Variants in SCN8A observed in about 807,000 individuals in gnomAD.
SCN8A encodes sodium channel protein type 8 subunit alpha.
In SCN8A, 30 loss-of-function variants were observed where a neutral mutation model predicts 184.1. The ratio of observed to expected loss-of-function variants is 0.16; its 90% CI spans 0.12 to 0.22. The LOEUF (loss-of-function observed/expected upper bound fraction) is 0.22. SCN8A is among the 10% of genes least tolerant of loss of function. The pLI is 1.00. For synonymous variants in SCN8A, 852 were observed against 907.0 expected (o/e 0.94, Z 1.09); for missense variants, 1,057 against 2,498.9 (o/e 0.42, Z 12.30).
In SCN8A at chr12:51,769,313, C is replaced by T. The variant is rs770263378; in HGVS notation, c.3350C>T (p.Ser1117Leu). 1.1e-5 allele frequency: 18 copies of T among 1,594,028 alleles called. No individual in the cohort carries two copies. The highest frequency in any genetic ancestry group is 5.7e-5 in the South Asian group (5 of 88,376). Residue 1117 changes from serine (S) to leucine (L), a missense_variant, in exon 17 of 27, where the codon TCG becomes TTG. Ser to Leu is a moderately radical substitution (Grantham distance 145). Transcript: ENST00000627620. ...AACACAGAGGATGTTAGCAGCGAGT[C>T]GGATCCTGAAGGCAGCAAAGATGTA... ...NLNTEDVSSESDPEGSKDKLD... is the reference protein window; with the variant it reads ...NLNTEDVSSELDPEGSKDKLD...
At chr12:51,604,492 T>C (rs1013372148) in intron 1 of SCN8A, among the ~76,000 whole-genome samples, 3 of 152,006 alleles carry the variant, frequency 2.0e-5, no homozygotes, top group African/African-American at 7.3e-5. Context: ...TTTGTTTGTT[T>C]GTTTGTTTTT....
At chr12:51,612,705 A>C (rs1179660042) in intron 1 of SCN8A, among the ~76,000 whole-genome samples, 1 of 151,916 alleles carries the variant, frequency 6.6e-6, no homozygotes. Context: ...GTATTCTCCT[A>C]TATTGTTGGA....
chr12:51,774,263 C>G lies in SCN8A; in HGVS notation c.3720C>G (p.Thr1240=). ...TGGAATATGCTGACAAAGTCTTCAC[C>G]TATATCTTCATCCTGGAGATGTTGC... The part of the protein sequence containing the change: ...TILEYADKVF[T]YIFILEMLLK... Residue 1240 remains threonine, a synonymous_variant, in exon 20 of 27, where the codon ACC becomes ACG. Coordinates refer to ENST00000627620, the MANE Select transcript of SCN8A (RefSeq NM_001330260.2). 6.2e-7 allele frequency: 1 copy of G among 1,614,134 alleles called. No individual in the cohort carries two copies. Among genetic ancestry groups the G allele is most frequent in the Non-Finnish European group, 8.5e-7 (1 of 1,179,988 alleles).
chr12:51,674,251 A>G (rs1008166447), intron 2 of SCN8A, among the ~76,000 whole-genome samples: 1 of 152,204 alleles, frequency 6.6e-6, no homozygotes, highest in African/African-American at 2.4e-5. Flanking sequence ...TTCTTGCTCT[A>G]ACTTGTGCAC....
At chr12:51,604,435 C>T (rs1332368212) in intron 1 of SCN8A, among the ~76,000 whole-genome samples, 3 of 152,038 alleles carry the variant, frequency 2.0e-5, no homozygotes, top group Non-Finnish European at 4.4e-5. Flanking sequence ...TGTGTGTCTG[C>T]GCCTTCCTCA....
At chr12:51,740,348 T>G (rs1942402017) in intron 12 of SCN8A, among the ~76,000 whole-genome samples, 1 of 152,256 alleles carries the variant, frequency 6.6e-6, no homozygotes, top group African/African-American at 2.4e-5. Flanking sequence ...GTTGTGTTTC[T>G]GCTATTTGTT....
chr12:51,751,434 C>T lies in SCN8A; in HGVS notation c.2211C>T (p.Pro737=), dbSNP rs1347575721. ...ANTFLIWECH[P]YWIKLKEIVN... ...CTTTCCTCATCTGGGAGTGCCACCC[C>T]TACTGGATAAAACTGAAAGAGATTG... Residue 737 remains proline (P), a synonymous_variant, in exon 14 of 27, where the codon CCC becomes CCT. Transcript: ENST00000627620. The T allele has an allele frequency of 1.2e-6, 2 of 1,613,926 alleles. No individual in the cohort carries two copies. Among genetic ancestry groups the T allele is most frequent in the East Asian group, 4.5e-5 (2 of 44,878 alleles).
chr12:51,706,139 T>A (rs1221752664), intron 10 of SCN8A, among the ~76,000 whole-genome samples: 1 of 152,214 alleles, frequency 6.6e-6, no homozygotes, highest in Non-Finnish European at 1.5e-5. Flanking sequence ...AGCATTCATT[T>A]CCAGACTTGC....
intron 1 of SCN8A, among the ~76,000 whole-genome samples, chr12:51,640,217 T>G (rs1372039477): frequency 3.6e-4 from 2 of 5,604 alleles, no homozygotes; most frequent in African/African-American, 4.8e-4. Flanking sequence ...GGCCTGTTTT[T>G]TTTTTTTTTT....
At chr12:51,690,776 A>G (rs1329650049) in intron 6 of SCN8A, among the ~76,000 whole-genome samples, 1 of 152,240 alleles carries the variant, frequency 6.6e-6, no homozygotes, top group East Asian at 1.9e-4. Flanking sequence ...GAGAACCTCA[A>G]AGAAGGTAAA....
chr12:51,622,132 A>C (rs1939975557), intron 1 of SCN8A, among the ~76,000 whole-genome samples: 1 of 152,214 alleles, frequency 6.6e-6, no homozygotes, highest in African/African-American at 2.4e-5. Flanking sequence ...CTTGACCTTA[A>C]ACCAGCATTA....
chr12:51,807,536 C>A lies in SCN8A; in HGVS notation c.*107C>A. 8.3e-7 allele frequency: 1 copy of A among 1,205,460 alleles called. No homozygotes were observed. Among genetic ancestry groups the A allele is most frequent in the Non-Finnish European group, 1.2e-6 (1 of 840,764 alleles). 74.7% of individuals were successfully genotyped at this position (1,205,460 alleles called of 1,614,324 possible). ...GCAGAACAGCTGTGGAGACTCTAAC[C>A]TGAAGATCTATACCAAACGTCGTCT... On this transcript the variant is annotated 3_prime_UTR_variant, in exon 27 of 27. Transcript: ENST00000627620. This position sits in a 1 kb window ranked among gnomAD's most constrained non-coding sequence, Gnocchi z 4.5.
intron 5 of SCN8A, among the ~76,000 whole-genome samples, chr12:51,687,940 G>T (rs1161093132): frequency 6.6e-6 from 1 of 152,202 alleles, no homozygotes; most frequent in East Asian, 1.9e-4. Flanking sequence ...GGTTTTGCAT[G>T]TATGCATGAT....
chr12:51,691,827 T>G (rs1302926072), intron 6 of SCN8A, among the ~76,000 whole-genome samples: 1 of 152,204 alleles, frequency 6.6e-6, no homozygotes, highest in East Asian at 1.9e-4. Flanking sequence ...TAATGAAGTT[T>G]CCCTCATGGG....
rs1940954332 is a variant in SCN8A, at chr12:51,662,964, G to A, written c.147G>A (p.Glu49=). 1 of 1,613,934 alleles carries A rather than the reference G, an allele frequency of 6.2e-7. No individual in the cohort carries two copies. The highest frequency in any genetic ancestry group is 8.5e-7 in the Non-Finnish European group (1 of 1,179,912). ...KADGSHREDD[E]DSKPKPNSDL... ...ATGGCAGTCATCGGGAGGACGATGA[G>A]GACAGCAAGCCCAAGCCAAACAGCG... Residue 49 remains glutamate, a synonymous_variant, in exon 2 of 27, where the codon GAG becomes GAA. Transcript: ENST00000627620.
chr12:51,608,531 G>A (rs1939649542), intron 1 of SCN8A, among the ~76,000 whole-genome samples: 1 of 152,124 alleles, frequency 6.6e-6, no homozygotes, highest in African/African-American at 2.4e-5. Flanking sequence ...GTGCGTAAAA[G>A]TGTTCATAGT....
chr12:51,804,327 C>CT (rs1555230639), intron 26 of SCN8A, among the ~76,000 whole-genome samples: 21 of 144,086 alleles, frequency 1.5e-4, no homozygotes, highest in South Asian at 6.7e-4. Context: ...TTTCTCTTTT[C>CT]TTTTTTTTTT....
chr12:51,666,117 A>G (rs543985407), intron 2 of SCN8A, among the ~76,000 whole-genome samples: 26 of 152,170 alleles, frequency 1.7e-4, no homozygotes, highest in Non-Finnish European at 2.9e-5. Context: ...AGTTATTTAT[A>G]TACTGGATTG....
chr12:51,676,056 A>T (rs1941217067), intron 2 of SCN8A, among the ~76,000 whole-genome samples: 1 of 152,208 alleles, frequency 6.6e-6, no homozygotes, highest in African/African-American at 2.4e-5. Context: ...CTTTTGCTCC[A>T]TTCTCAGTAT....
Sources: gnomAD v4.1 joint callset for allele counts (sites outside exome capture counted in the v4.1 genomes callset) on GRCh38, gnomAD v4.1.1 for gene constraint, Gnocchi (gnomAD v3.1) non-coding constraint, MANE v1.5 for transcripts, NCBI Gene and HGNC (gene_info 2026-07-23, HGNC 2026-07-21) for gene names.